PIK3R3: variants seen among roughly 807,000 people sequenced by gnomAD.
PIK3R3 encodes phosphatidylinositol 3-kinase regulatory subunit gamma.
In PIK3R3, 64 loss-of-function variants were observed where a neutral mutation model predicts 62.9. The observed-to-expected ratio is 1.02, with a 90% confidence interval of 0.83 to 1.25. The LOEUF (loss-of-function observed/expected upper bound fraction) is 1.25. Ranked by LOEUF, PIK3R3 falls within the 50% of genes most tolerant of loss-of-function variation. The pLI, the probability that PIK3R3 is intolerant of heterozygous loss-of-function variation, is 0.00. For synonymous variants in PIK3R3, 165 were observed against 189.0 expected (o/e 0.87, Z 1.04); for missense variants, 614 against 561.6 (o/e 1.09, Z -0.94).
the PIK3R3 span, among the ~76,000 whole-genome samples, chr1:46,161,266 T>TA: frequency 6.6e-6 from 1 of 151,368 alleles, no homozygotes; most frequent in South Asian, 2.1e-4. Context: ...TAGCTAATTT[T>TA]TTTTTTTTTT....
chr1:46,056,050 T>TC (rs1647871982), intron 6 of PIK3R3, 79 bp from the exon 7 acceptor site: 1 of 896,698 alleles, frequency 1.1e-6, no homozygotes, highest in African/African-American at 1.7e-5. Flanking sequence ...GGTCCTAATA[T>TC]CCTTTTTTTT....
intron 1 of PIK3R3, among the ~76,000 whole-genome samples, chr1:46,125,534 A>T (rs1302089964): frequency 6.6e-6 from 1 of 152,218 alleles, no homozygotes; most frequent in Non-Finnish European, 1.5e-5. Flanking sequence ...CTCTCAGCAG[A>T]TATTTTCCCC....
chr1:46,122,534 A>T (rs60917122), intron 1 of PIK3R3, among the ~76,000 whole-genome samples: 201 of 152,056 alleles, frequency 1.3e-3, no homozygotes, highest in African/African-American at 4.7e-3. Context: ...CGCCTGGCTA[A>T]TTTTTTTATT....
intron 1 of PIK3R3, among the ~76,000 whole-genome samples, chr1:46,118,151 G>A (rs1188935167): frequency 1.3e-5 from 2 of 152,152 alleles, no homozygotes; most frequent in African/African-American, 4.8e-5. Context: ...TTAAAAGTTA[G>A]ACTTATTAAT....
At chr1:46,146,782 C>G in the PIK3R3 span, among the ~76,000 whole-genome samples, 13 of 150,262 alleles carry the variant, frequency 8.7e-5, no homozygotes, top group African/African-American at 3.2e-4. Flanking sequence ...TCTCTCCTCT[C>G]TCCAATTCTA....
At chr1:46,099,629 T>C (rs1652469941) in intron 1 of PIK3R3, among the ~76,000 whole-genome samples, 1 of 152,252 alleles carries the variant, frequency 6.6e-6, no homozygotes, top group Non-Finnish European at 1.5e-5. Flanking sequence ...GAATATTCTA[T>C]AATTTCTTCA....
At chr1:46,085,380 C>CCATACATATGGA (rs1553150328) in intron 1 of PIK3R3, among the ~76,000 whole-genome samples, 3 of 152,104 alleles carry the variant, frequency 2.0e-5, no homozygotes, top group Non-Finnish European at 4.4e-5. Context: ...ACTTTATAAT[C>CCATACATATGGA]CAAAAGGATA....
chr1:46,141,205 G>T, the PIK3R3 span, among the ~76,000 whole-genome samples: 2 of 151,436 alleles, frequency 1.3e-5, no homozygotes, highest in African/African-American at 4.9e-5. Context: ...ATTCATTATG[G>T]CAGCCCTAGG....
chr1:46,149,408 C>T, the PIK3R3 span, among the ~76,000 whole-genome samples: 24 of 105,490 alleles, frequency 2.3e-4, no homozygotes, highest in African/African-American at 8.3e-4. Flanking sequence ...GGCGACAGAG[C>T]AAGACTCTGT....
chr1:46,113,228 T>C (rs2149457365), intron 1 of PIK3R3, among the ~76,000 whole-genome samples: 1 of 152,132 alleles, frequency 6.6e-6, no homozygotes, highest in South Asian at 2.1e-4. Flanking sequence ...AATATAGCCT[T>C]CGGGGCCTTT....
intron 1 of PIK3R3, among the ~76,000 whole-genome samples, chr1:46,092,184 A>G (rs776728612): frequency 5.9e-5 from 9 of 152,246 alleles, no homozygotes; most frequent in African/African-American, 1.9e-4. Context: ...AATCAGCTGT[A>G]TAACATCTTA....
intron 6 of PIK3R3, among the ~76,000 whole-genome samples, chr1:46,059,800 TA>T (rs934611797): frequency 2.0e-5 from 3 of 149,090 alleles, no homozygotes; most frequent in Non-Finnish European, 4.5e-5. Context: ...CCTCAAAAAA[TA>T]AAAAAAATTA....
chr1:46,044,068 G>GTTTA lies in PIK3R3; in HGVS notation c.1188-201_1188-198dup, dbSNP rs893065193. On this transcript the variant is annotated intron_variant, in intron 9 of 9. Coordinates refer to ENST00000262741, the MANE Select transcript of PIK3R3 (RefSeq NM_003629.4). This position sits in a 1 kb window ranked among gnomAD's most constrained non-coding sequence, Gnocchi z 4.2. ...TGTTAAAACAACCACAAATGTAAGG[G>GTTTA]TTTATTTATTTCTTTTTTTTTTTTT... Among the ~76,000 whole-genome samples, 1 of 145,444 alleles carries GTTTA rather than the reference G, an allele frequency of 6.9e-6. No homozygotes were observed. The highest frequency in any genetic ancestry group is 1.5e-5 in the Non-Finnish European group (1 of 66,546).
rs1647027670 is a variant in PIK3R3 at position 46,043,249 on chromosome 1, C to T, written c.*424G>A. 4.2e-6 allele frequency: 1 copy of T among 235,404 alleles called. No individual in the cohort carries two copies. The highest frequency in any genetic ancestry group is 6.1e-5 in the East Asian group (1 of 16,516). The allele number at this position is 235,404 out of a possible 1,614,324, so 14.6% of individuals were successfully genotyped here. On this transcript the variant is annotated 3_prime_UTR_variant, in exon 10 of 10. Coordinates refer to ENST00000262741, the MANE Select transcript of PIK3R3 (RefSeq NM_003629.4). The stretch of plus-strand genomic sequence containing the variant: ...TTCTTCGTGGGGGGAAGAGAGACTG[C>T]CAAAGCAAAACACAACTCCCAGCAG...
At chr1:46,166,225 CTTTTCTTTTT>C in the PIK3R3 span, among the ~76,000 whole-genome samples, 123 of 149,100 alleles carry the variant, frequency 8.2e-4, 3 homozygotes, top group East Asian at 0.021. Flanking sequence ...CTTTTCTTTT[CTTTTCTTTTT>C]TTTTCTGAGA....
intron 1 of PIK3R3, among the ~76,000 whole-genome samples, chr1:46,089,815 G>A (rs1008175438): frequency 3.3e-5 from 5 of 151,778 alleles, no homozygotes. Flanking sequence ...GATAATTTAA[G>A]AAAGTTATAA....
At chr1:46,103,096 A>T (rs749036739) in intron 1 of PIK3R3, among the ~76,000 whole-genome samples, 2 of 152,222 alleles carry the variant, frequency 1.3e-5, no homozygotes, top group Non-Finnish European at 2.9e-5. Context: ...CCACTTACTT[A>T]TACGAGGTAA....
the PIK3R3 span, among the ~76,000 whole-genome samples, chr1:46,172,691 A>C: frequency 6.6e-6 from 1 of 152,076 alleles, no homozygotes. Context: ...CCCTGTCCCT[A>C]AAAACTAGGC....
intron 1 of PIK3R3, among the ~76,000 whole-genome samples, chr1:46,087,192 CCAA>C (rs920269329): frequency 2.0e-5 from 3 of 151,918 alleles, no homozygotes; most frequent in African/African-American, 7.3e-5. Flanking sequence ...GTGCAGCACA[CCAA>C]CATGGCACAT....
Sources: gnomAD v4.1 joint callset for allele counts (sites outside exome capture counted in the v4.1 genomes callset) on GRCh38, gnomAD v4.1.1 for gene constraint, Gnocchi (gnomAD v3.1) non-coding constraint, MANE v1.5 for transcripts, NCBI Gene and HGNC (gene_info 2026-07-23, HGNC 2026-07-21) for gene names.